FRY: variants seen among roughly 807,000 people sequenced by gnomAD.
The protein encoded by FRY is FRY microtubule binding protein, also known as protein furry homolog.
A neutral mutation model predicts 348.4 loss-of-function variants in FRY; 128 were observed. That is an observed-to-expected ratio of 0.37 (90% confidence interval 0.32 to 0.43). The LOEUF is 0.43. Ranked by LOEUF, FRY falls within the 20% of genes least tolerant of loss-of-function variation. The pLI is 1.00. For missense variants in FRY, 2,736 were observed against 3,695.2 expected, an observed-to-expected ratio of 0.74 and a Z score of 6.73; for synonymous variants, 1,370 against 1,374.7, an observed-to-expected ratio of 1.00 and a Z score of 0.08.
chr13:32,259,704 A>G (rs1401718770), intron 51 of FRY, among the ~76,000 whole-genome samples: 2 of 152,166 alleles, frequency 1.3e-5, no homozygotes, highest in African/African-American at 4.8e-5. Flanking sequence ...CATAGTTAGT[A>G]TTCTGATTTT....
At chr13:32,193,693 C>G (rs576295025) in intron 28 of FRY, among the ~76,000 whole-genome samples, 3 of 146,986 alleles carry the variant, frequency 2.0e-5, no homozygotes, top group African/African-American at 7.5e-5. Context: ...TTAAGTGATT[C>G]TCCTACCTCA....
At chr13:32,047,058 G>T (rs1209732) in intron 1 of FRY, among the ~76,000 whole-genome samples, 109,718 of 151,660 alleles carry the variant, frequency 0.72, 39,818 homozygotes, top group East Asian at 0.85. Flanking sequence ...TGTATATATA[G>T]AGAGAGAGAG....
At chr13:32,268,608 A>G (rs1888065088) in intron 55 of FRY, among the ~76,000 whole-genome samples, 1 of 147,472 alleles carries the variant, frequency 6.8e-6, no homozygotes, top group African/African-American at 2.5e-5. Context: ...ATATCATTGT[A>G]TCTTTTCACG....
intron 39 of FRY, among the ~76,000 whole-genome samples, chr13:32,227,751 G>A: frequency 7.4e-6 from 1 of 135,872 alleles, no homozygotes; most frequent in Non-Finnish European, 1.6e-5. Flanking sequence ...ATTTCACATG[G>A]TTTTTTTTTT....
intron 53 of FRY, among the ~76,000 whole-genome samples, chr13:32,263,983 G>A (rs1887799654): frequency 1.3e-5 from 2 of 152,114 alleles, no homozygotes; most frequent in Non-Finnish European, 2.9e-5. Flanking sequence ...CTCCAGCCTG[G>A]GCGACAGAGC....
chr13:32,049,698 C>T (rs777454152), intron 1 of FRY, among the ~76,000 whole-genome samples: 7 of 152,052 alleles, frequency 4.6e-5, no homozygotes, highest in Non-Finnish European at 1.0e-4. Context: ...CGAGAATGAC[C>T]CAGGAAAGAG....
At chr13:32,125,129 C>T (rs1593641282) in intron 7 of FRY, among the ~76,000 whole-genome samples, 1 of 152,168 alleles carries the variant, frequency 6.6e-6, no homozygotes, top group African/African-American at 2.4e-5. Flanking sequence ...ATGGGGTGAC[C>T]AGATTACATT....
intron 24 of FRY, 33 bp downstream of exon 24, chr13:32,183,067 GT>G (rs565571171): frequency 7.4e-7 from 1 of 1,353,522 alleles, no homozygotes; most frequent in Non-Finnish European, 1.1e-6. Flanking sequence ...TTAAGGCTTG[GT>G]TTTTTGGACA....
At chr13:32,199,854 T>C (rs1883900286) in intron 29 of FRY, among the ~76,000 whole-genome samples, 1 of 152,258 alleles carries the variant, frequency 6.6e-6, no homozygotes, top group Non-Finnish European at 1.5e-5. Flanking sequence ...AAGGTGATTG[T>C]CTCATTCTGT....
At chr13:32,135,452 G>C (rs4365176) in intron 10 of FRY, among the ~76,000 whole-genome samples, 59,591 of 151,962 alleles carry the variant, frequency 0.39, 11,894 homozygotes, top group African/African-American at 0.48. Flanking sequence ...GGCTTAACTT[G>C]ATTTTTATTT....
chr13:32,048,228 C>CAT (rs1331441843), intron 1 of FRY, among the ~76,000 whole-genome samples: 2 of 152,102 alleles, frequency 1.3e-5, no homozygotes, highest in East Asian at 3.9e-4. Context: ...TAGCATGTCG[C>CAT]CCCTCAGTGG....
chr13:32,049,357 T>C (rs1054617971), intron 1 of FRY, among the ~76,000 whole-genome samples: 1 of 152,198 alleles, frequency 6.6e-6, no homozygotes, highest in Admixed American at 6.5e-5. Context: ...AAAGGCAAGT[T>C]GGGTCAGATG....
At chr13:32,149,467 G>C (rs147196812) in intron 13 of FRY, among the ~76,000 whole-genome samples, 2 of 7,136 alleles carry the variant, frequency 2.8e-4, no homozygotes, top group African/African-American at 3.5e-3. Flanking sequence ...TTTGATTTGT[G>C]GGGGGGGGTC....
intron 48 of FRY, 36 bp downstream of exon 48, chr13:32,247,538 G>A (rs747044058): frequency 6.6e-7 from 1 of 1,504,460 alleles, no homozygotes; most frequent in African/African-American, 1.4e-5. Flanking sequence ...GTGAACTTTA[G>A]CATGAATTTG....
rs955779098 is a variant in FRY at position 32,137,445 on chromosome 13, A to G, written c.1179+473A>G. Among the ~76,000 whole-genome samples, 5 of 152,292 alleles carry G rather than the reference A, an allele frequency of 3.3e-5. No individual in the cohort carries two copies. In the East Asian group the frequency reaches 9.6e-4, roughly 29 times the overall value. On this transcript the variant is annotated intron_variant, in intron 11 of 60. Coordinates refer to ENST00000542859, the MANE Select transcript of FRY (RefSeq NM_023037.3). Reference sequence around the variant, plus strand: ...TTGCTCAGATAGCTCCAGTCTGTGGAAGGACTGACCTAGCAACAGAGAGCA... The same window carrying G: ...TTGCTCAGATAGCTCCAGTCTGTGGGAGGACTGACCTAGCAACAGAGAGCA...
At chr13:32,293,775 C>T (rs1889491874) in intron 59 of FRY, among the ~76,000 whole-genome samples, 1 of 152,172 alleles carries the variant, frequency 6.6e-6, no homozygotes, top group East Asian at 1.9e-4. Flanking sequence ...AAAATTGTGT[C>T]TTCAGCTTTT....
chr13:32,295,299 G>T lies in FRY; in HGVS notation c.8881G>T (p.Gly2961Cys), dbSNP rs779543337. The T allele has an allele frequency of 4.3e-6, 7 of 1,613,916 alleles. No individual in the cohort carries two copies. The highest frequency in any genetic ancestry group is 5.9e-6 in the Non-Finnish European group (7 of 1,179,888). Residue 2961 changes from glycine to cysteine, a missense_variant, in exon 61 of 61, where the codon GGT becomes TGT. This residue lies in a region of FRY where 157 missense variants were observed against 215.2 expected (regional missense o/e 0.73). Transcript: ENST00000542859. ...YFRHQTLGQT[G>C]TYALVGSNQS... ...CCGTCACCAAACTCTGGGACAGACG[G>T]GTACTTATGCCCTGGTGGGGTCTAA...
Position 32,234,691 on chromosome 13 carries a change from C to T in FRY, c.5645C>T (p.Ser1882Leu). ...QIFRALKQPL[S>L]AHALSDLLSR... Reference sequence around the variant, plus strand: ...TTCCGGGCCCTCAAGCAACCTCTGTCAGCACATGCCTTATCTGACCTTCTC... The same window carrying T: ...TTCCGGGCCCTCAAGCAACCTCTGTTAGCACATGCCTTATCTGACCTTCTC... Residue 1882 changes from serine (S) to leucine (L), a missense_variant, in exon 42 of 61, where the codon TCA (serine) becomes TTA (leucine). By Grantham distance (145) the Ser-to-Leu change is moderately radical. This residue lies in a region of FRY where 794 missense variants were observed against 977.0 expected (regional missense o/e 0.81). Coordinates refer to ENST00000542859, the MANE Select transcript of FRY (RefSeq NM_023037.3). 6.2e-7 allele frequency: 1 copy of T among 1,614,104 alleles called. No homozygotes were observed. The highest frequency in any genetic ancestry group is 1.3e-5 in the African/African-American group (1 of 75,036).
At chr13:32,115,510 T>C (rs953210667) in intron 3 of FRY, among the ~76,000 whole-genome samples, 1 of 152,174 alleles carries the variant, frequency 6.6e-6, no homozygotes, top group African/African-American at 2.4e-5. Flanking sequence ...TAGAGTCTTC[T>C]CATTTTCTAG....
Sources: allele counts gnomAD v4.1 joint callset (sites outside exome capture counted in the v4.1 genomes callset), GRCh38; gene constraint gnomAD v4.1.1; regional missense constraint gnomAD v4.1.1; transcripts MANE v1.5; gene names NCBI Gene and HGNC (gene_info 2026-07-23, HGNC 2026-07-21).